Variants in SGCZ observed in about 807,000 individuals in gnomAD.
SGCZ encodes the protein sarcoglycan zeta.
SGCZ carries 40 observed loss-of-function variants against 41.3 expected under a neutral mutation model. The ratio of observed to expected loss-of-function variants is 0.97; its 90% CI spans 0.75 to 1.26. The LOEUF is 1.26. SGCZ is among the 50% of genes most tolerant of loss of function. The pLI, the probability that SGCZ is intolerant of heterozygous loss-of-function variation, is 0.00. For synonymous variants in SGCZ, 206 were observed against 137.5 expected, an observed-to-expected ratio of 1.50 and a Z score of -3.49; for missense variants, 552 against 369.8, an observed-to-expected ratio of 1.49 and a Z score of -4.04.
chr8:14,388,392 A>G (rs964399978), intron 2 of SGCZ, among the ~76,000 whole-genome samples: 13 of 152,114 alleles, frequency 8.5e-5, no homozygotes, highest in Admixed American at 1.3e-4. Flanking sequence ...ACACTTTGCT[A>G]TAAGAATGAA....
intron 1 of SGCZ, among the ~76,000 whole-genome samples, chr8:14,786,761 T>A (rs1800779052): frequency 6.6e-6 from 1 of 150,458 alleles, no homozygotes; most frequent in East Asian, 1.9e-4. Flanking sequence ...TGTCATAAAT[T>A]AGAAGCAAAA....
intron 1 of SGCZ, among the ~76,000 whole-genome samples, chr8:14,597,781 T>C (rs557038568): frequency 6.6e-6 from 1 of 152,228 alleles, no homozygotes; most frequent in South Asian, 2.1e-4. Context: ...CTGGCCTCAC[T>C]TCTTTTTATT....
intron 4 of SGCZ, among the ~76,000 whole-genome samples, chr8:14,197,908 A>G (rs1285885500): frequency 6.6e-6 from 1 of 152,116 alleles, no homozygotes; most frequent in Non-Finnish European, 1.5e-5. Context: ...TATAAAATTA[A>G]AAAATATATA....
intron 1 of SGCZ, among the ~76,000 whole-genome samples, chr8:14,717,155 T>C (rs1471798090): frequency 2.0e-5 from 3 of 152,084 alleles, no homozygotes; most frequent in African/African-American, 4.8e-5. Context: ...AATATTATTT[T>C]GTATCATTTA....
chr8:14,844,372 T>C (rs927293558), intron 1 of SGCZ, among the ~76,000 whole-genome samples: 5 of 152,166 alleles, frequency 3.3e-5, no homozygotes, highest in African/African-American at 1.2e-4. Flanking sequence ...ATATATCCTT[T>C]CCTACTGCCA....
intron 1 of SGCZ, among the ~76,000 whole-genome samples, chr8:14,964,504 A>G (rs1274983524): frequency 6.6e-6 from 1 of 152,204 alleles, no homozygotes; most frequent in East Asian, 1.9e-4. Flanking sequence ...ATTTGCATGC[A>G]GGAATTTCAT....
chr8:14,933,436 T>C (rs1292188815), intron 1 of SGCZ, among the ~76,000 whole-genome samples: 1 of 145,266 alleles, frequency 6.9e-6, no homozygotes, highest in Non-Finnish European at 1.5e-5. Context: ...TTTTTCTTTT[T>C]TTTTTTTTTT....
intron 1 of SGCZ, among the ~76,000 whole-genome samples, chr8:14,973,526 T>C (rs2130867913): frequency 6.6e-6 from 1 of 152,278 alleles, no homozygotes; most frequent in South Asian, 2.1e-4. Flanking sequence ...AGTTTTTGCT[T>C]TGACACTACC....
At chr8:15,161,901 G>T (rs58766445) in intron 1 of SGCZ, among the ~76,000 whole-genome samples, 3,150 of 152,114 alleles carry the variant, frequency 0.021, 94 homozygotes, top group African/African-American at 0.073. Context: ...TGGGCGTGGG[G>T]GTGCACACCT....
At chr8:14,184,450 T>A (rs1307814619) in intron 4 of SGCZ, among the ~76,000 whole-genome samples, 1 of 152,182 alleles carries the variant, frequency 6.6e-6, no homozygotes, top group African/African-American at 2.4e-5. Context: ...AAACATCCAC[T>A]ATATTTCAGG....
chr8:14,612,726 G>C (rs1805969753), intron 1 of SGCZ, among the ~76,000 whole-genome samples: 1 of 151,990 alleles, frequency 6.6e-6, no homozygotes, highest in African/African-American at 2.4e-5. Flanking sequence ...TCACTCTGTA[G>C]CCCAAGCTGG....
At chr8:14,639,500 C>T (rs1024993926) in intron 1 of SGCZ, among the ~76,000 whole-genome samples, 8 of 151,624 alleles carry the variant, frequency 5.3e-5, no homozygotes, top group South Asian at 2.1e-4. Flanking sequence ...TTTCTTTCTT[C>T]GGAAAATCAG....
chr8:14,198,685 G>A (rs922685921), intron 4 of SGCZ, among the ~76,000 whole-genome samples: 11 of 152,142 alleles, frequency 7.2e-5, no homozygotes, highest in Admixed American at 1.3e-4. Flanking sequence ...ATTCTGTTGC[G>A]TGAAGTCAGG....
chr8:14,488,195 C>T (rs1232355908), intron 2 of SGCZ, among the ~76,000 whole-genome samples: 1 of 152,178 alleles, frequency 6.6e-6, no homozygotes, highest in Non-Finnish European at 1.5e-5. Context: ...TCCCTACTGT[C>T]TCACTAGTTT....
At chr8:15,116,023 T>C (rs1466126585) in intron 1 of SGCZ, among the ~76,000 whole-genome samples, 2 of 152,196 alleles carry the variant, frequency 1.3e-5, no homozygotes, top group Non-Finnish European at 2.9e-5. Flanking sequence ...TTAGCCCTTA[T>C]AGATTAAAAA....
At chr8:14,311,934 G>C (rs1010541653) in intron 3 of SGCZ, among the ~76,000 whole-genome samples, 3 of 152,048 alleles carry the variant, frequency 2.0e-5, no homozygotes, top group Non-Finnish European at 4.4e-5. Flanking sequence ...TTTGCACTTT[G>C]TTCTTTGGAA....
chr8:14,735,602 G>A (rs1265373367), intron 1 of SGCZ, among the ~76,000 whole-genome samples: 1 of 152,080 alleles, frequency 6.6e-6, no homozygotes. Flanking sequence ...CTCAGCCTGA[G>A]CCACTAATGG....
chr8:14,153,100 G>C (rs1434050375), intron 5 of SGCZ, among the ~76,000 whole-genome samples: 1 of 152,082 alleles, frequency 6.6e-6, no homozygotes, highest in Non-Finnish European at 1.5e-5. Flanking sequence ...GTCTTAACTG[G>C]ATCAATGTCA....
intron 1 of SGCZ, among the ~76,000 whole-genome samples, chr8:15,140,122 C>G (rs1808267397): frequency 6.6e-6 from 1 of 151,972 alleles, no homozygotes; most frequent in African/African-American, 2.4e-5. Context: ...CAGGCTCAAG[C>G]AACATTCCTC....
Sources: allele counts gnomAD v4.1 joint callset (sites outside exome capture counted in the v4.1 genomes callset), GRCh38; gene constraint gnomAD v4.1.1; transcripts MANE v1.5; gene names NCBI Gene and HGNC (gene_info 2026-07-23, HGNC 2026-07-21).